The following NSD1 variants were observed in gnomAD, a reference collection of about 807,000 sequenced individuals.
NSD1 encodes nuclear receptor binding SET domain protein 1.
Under a neutral mutation model 242.7 loss-of-function variants are expected in NSD1, and 26 were observed. The observed-to-expected ratio is 0.11, with a 90% CI of 0.08 to 0.15. The LOEUF (loss-of-function observed/expected upper bound fraction) is 0.15. Among genes scored for constraint, NSD1 ranks in the 10% least tolerant of loss-of-function variants. The pLI is 1.00. For missense variants in NSD1, 2,495 were observed against 3,272.8 expected, an observed-to-expected ratio of 0.76 and a Z score of 5.80; for synonymous variants, 1,106 against 1,178.1, an observed-to-expected ratio of 0.94 and a Z score of 1.25.
At position 177,288,806 on chromosome 5, in the gene NSD1, G is replaced by A. The variant is rs1278583852; in HGVS notation, c.6152-13G>A. 2 of 1,566,622 alleles carry A rather than the reference G, an allele frequency of 1.3e-6. No individual in the cohort carries two copies. Among genetic ancestry groups the A allele is most frequent in the African/African-American group, 2.7e-5 (2 of 73,924 alleles). ...AACCATAGATATTAATATTTTCACG[G>A]TCTCTTATGCAGGCACTGAACTTAC... On this transcript the variant is annotated splice_polypyrimidine_tract_variant and intron_variant, in intron 20 of 22. Coordinates refer to ENST00000439151, the MANE Select transcript of NSD1 (RefSeq NM_022455.5).
intron 2 of NSD1, among the ~76,000 whole-genome samples, chr5:177,166,811 G>A (rs909773477): frequency 4.7e-5 from 7 of 149,236 alleles, no homozygotes; most frequent in African/African-American, 9.9e-5. Context: ...GCGCGATCTC[G>A]GCTCACTGAC....
At position 177,233,966 on chromosome 5, in the gene NSD1, C is replaced by G. The variant is rs532678217; in HGVS notation, c.3797-1855C>G. ...TAGATGTATGGGTGTGAAAGGGTTT[C>G]AAAAGGAGTGAAGGATGCCATATAT... On this transcript the variant is annotated intron_variant, in intron 5 of 22. Coordinates refer to ENST00000439151, the MANE Select transcript of NSD1 (RefSeq NM_022455.5). Among the ~76,000 whole-genome samples, 3 of 152,194 alleles carry G rather than the reference C, an allele frequency of 2.0e-5. No homozygotes were observed. In the East Asian group the frequency reaches 5.8e-4, roughly 29 times the overall value.
intron 20 of NSD1, among the ~76,000 whole-genome samples, chr5:177,284,657 A>G (rs147219136): frequency 7.7e-4 from 118 of 152,302 alleles, no homozygotes; most frequent in African/African-American, 2.7e-3. Context: ...TCACATTCAT[A>G]TGAACTTACC....
At chr5:177,268,268 C>T (rs936984546) in intron 15 of NSD1, among the ~76,000 whole-genome samples, 1 of 145,554 alleles carries the variant, frequency 6.9e-6, no homozygotes, top group Non-Finnish European at 1.5e-5. Flanking sequence ...GCCACTGCAC[C>T]CGGCCACTTT....
intron 2 of NSD1, among the ~76,000 whole-genome samples, chr5:177,138,609 C>G (rs1042747362): frequency 1.3e-5 from 2 of 151,466 alleles, no homozygotes; most frequent in African/African-American, 4.8e-5. Flanking sequence ...AATCTATTGC[C>G]TTTATTTTTG....
In NSD1 at chr5:177,211,569, A is replaced by G; in HGVS notation, c.3170A>G (p.Asn1057Ser). The G allele has an allele frequency of 6.2e-7, 1 of 1,614,142 alleles. No homozygotes were observed. Among genetic ancestry groups the G allele is most frequent in the Non-Finnish European group, 8.5e-7 (1 of 1,180,030 alleles). ...AAGACCGAGCGCAAAAGAAAACTGA[A>G]TCAGCTTCCAAGTGTGACTCTTGAT... ...ALKTERKRKL[N>S]QLPSVTLDAV... is the part of the protein sequence containing the mutation. The change falls in exon 5 of 23, where the codon AAT (asparagine) becomes AGT (serine). Residue 1057 changes from asparagine (N) to serine (S), a missense_variant. By Grantham distance (46) the Asn-to-Ser change is conservative. Transcript: ENST00000439151.
At chr5:177,224,853 C>G (rs912989255) in intron 5 of NSD1, among the ~76,000 whole-genome samples, 1 of 151,730 alleles carries the variant, frequency 6.6e-6, no homozygotes, top group African/African-American at 2.4e-5. Flanking sequence ...AGAATGTTCT[C>G]TTTTATACCT....
chr5:177,196,528 G>T (rs73347604), intron 3 of NSD1, among the ~76,000 whole-genome samples: 1 of 152,126 alleles, frequency 6.6e-6, no homozygotes, highest in Non-Finnish European at 1.5e-5. Context: ...GAGGCTTTCA[G>T]TTCTCAGGTT....
chr5:177,218,879 T>C (rs2149860549), intron 5 of NSD1, among the ~76,000 whole-genome samples: 1 of 151,430 alleles, frequency 6.6e-6, no homozygotes, highest in African/African-American at 2.4e-5. Flanking sequence ...CCCCCTTTTT[T>C]TTTTCTCCAG....
chr5:177,281,504 A>G (rs1435412115), intron 18 of NSD1, among the ~76,000 whole-genome samples: 2 of 152,222 alleles, frequency 1.3e-5, no homozygotes, highest in South Asian at 4.1e-4. Flanking sequence ...ACTAACCAAG[A>G]CGAGAGATAT....
At chr5:177,234,647 T>G (rs1052148681) in intron 5 of NSD1, among the ~76,000 whole-genome samples, 4 of 152,072 alleles carry the variant, frequency 2.6e-5, no homozygotes, top group Non-Finnish European at 5.9e-5. Flanking sequence ...TCCTGGAAGG[T>G]GAAGGTTGCA....
At chr5:177,158,361 CAG>C (rs1758379685) in intron 2 of NSD1, among the ~76,000 whole-genome samples, 1 of 135,388 alleles carries the variant, frequency 7.4e-6, no homozygotes, top group African/African-American at 2.7e-5. Context: ...TTTTTTAGAA[CAG>C]AGTCTCCCTC....
chr5:177,266,640 A>T (rs545984921), intron 14 of NSD1: 3 of 471,790 alleles, frequency 6.4e-6, no homozygotes, highest in Non-Finnish European at 1.0e-5. Flanking sequence ...GCCTTTTTCT[A>T]TAGTAGGATT....
chr5:177,162,434 C>T (rs1758836959), intron 2 of NSD1, among the ~76,000 whole-genome samples: 1 of 152,106 alleles, frequency 6.6e-6, no homozygotes, highest in Non-Finnish European at 1.5e-5. Flanking sequence ...CTCACTCTGT[C>T]ACGCAGGCTG....
intron 16 of NSD1, among the ~76,000 whole-genome samples, chr5:177,273,028 G>A (rs1161062616): frequency 6.6e-6 from 1 of 152,150 alleles, no homozygotes; most frequent in Non-Finnish European, 1.5e-5. Flanking sequence ...TCTGCCAGAG[G>A]AGAGTGAGCA....
chr5:177,157,999 T>C (rs1758277289), intron 2 of NSD1, among the ~76,000 whole-genome samples: 1 of 152,248 alleles, frequency 6.6e-6, no homozygotes, highest in Admixed American at 6.5e-5. Flanking sequence ...TGTCTTTTCA[T>C]CACTTGACGG....
rs866328293 is a variant in NSD1, at chr5:177,251,089, C to T, written c.4642-641C>T. ...CCTGTAATCCCAGCTACTCGGGAGG[C>T]TGAGGCAGGAGAATCACTTGAACCC... On this transcript the variant is annotated intron_variant, in intron 11 of 22. Coordinates refer to ENST00000439151, the MANE Select transcript of NSD1 (RefSeq NM_022455.5). 2.6e-5 allele frequency among the ~76,000 whole-genome samples: 4 copies of T among 151,852 alleles called. No homozygotes were observed. The South Asian group carries it at 8.3e-4, about 32-fold the overall frequency.
intron 2 of NSD1, among the ~76,000 whole-genome samples, chr5:177,141,045 C>A (rs1756766546): frequency 6.6e-6 from 1 of 152,074 alleles, no homozygotes; most frequent in Non-Finnish European, 1.5e-5. Flanking sequence ...TGTTTTGAGA[C>A]AGAGTCTCAC....
chr5:177,151,171 A>G (rs1757664992), intron 2 of NSD1, among the ~76,000 whole-genome samples: 1 of 152,166 alleles, frequency 6.6e-6, no homozygotes, highest in Non-Finnish European at 1.5e-5. Context: ...TGAAGCCAGG[A>G]GTCGAGACCA....
Sources: gnomAD v4.1 joint callset for allele counts (sites outside exome capture counted in the v4.1 genomes callset) on GRCh38, gnomAD v4.1.1 for gene constraint, MANE v1.5 for transcripts, NCBI Gene and HGNC (gene_info 2026-07-23, HGNC 2026-07-21) for gene names.